The following RBFOX1 variants were observed in gnomAD, a reference collection of about 807,000 sequenced individuals.
The protein encoded by RBFOX1 is RNA binding protein fox-1 homolog 1.
A neutral mutation model predicts 57.7 loss-of-function variants in RBFOX1; 8 were observed. The ratio of observed to expected loss-of-function variants is 0.14; its 90% CI spans 0.08 to 0.25. The LOEUF is 0.25. Among genes scored for constraint, RBFOX1 ranks in the 10% least tolerant of loss-of-function variants. The pLI is 1.00. For synonymous variants in RBFOX1, 326 were observed against 222.4 expected, an observed-to-expected ratio of 1.47 and a Z score of -4.15; for missense variants, 611 against 548.5, an observed-to-expected ratio of 1.11 and a Z score of -1.14.
chr16:6,857,674 G>C (rs1186910900), intron 3 of RBFOX1, among the ~76,000 whole-genome samples: 4 of 152,192 alleles, frequency 2.6e-5, no homozygotes, highest in African/African-American at 7.2e-5. Context: ...CTTACTCTCT[G>C]TGATAGCAGC....
chr16:6,380,861 C>T (rs1011285993), intron 2 of RBFOX1, among the ~76,000 whole-genome samples: 2 of 152,172 alleles, frequency 1.3e-5, no homozygotes, highest in South Asian at 2.1e-4. Context: ...CTTCACATAC[C>T]GTTGCCAACA....
intron 2 of RBFOX1, among the ~76,000 whole-genome samples, chr16:6,441,055 G>C (rs535861647): frequency 6.6e-6 from 1 of 152,072 alleles, no homozygotes; most frequent in Non-Finnish European, 1.5e-5. Flanking sequence ...GATGTTGAGT[G>C]CACCGTCCAA....
intron 1 of RBFOX1, among the ~76,000 whole-genome samples, chr16:5,277,564 C>A (rs1464155367): frequency 1.3e-5 from 2 of 151,952 alleles, no homozygotes; most frequent in Non-Finnish European, 2.9e-5. Context: ...CTTTTCAAAC[C>A]CCTCCTCTTC....
intron 4 of RBFOX1, among the ~76,000 whole-genome samples, chr16:7,104,369 G>C (rs1426834445): frequency 6.6e-6 from 1 of 152,108 alleles, no homozygotes; most frequent in Non-Finnish European, 1.5e-5. Flanking sequence ...TACTTAATCA[G>C]TCTGGTACCT....
intron 2 of RBFOX1, among the ~76,000 whole-genome samples, chr16:6,350,455 A>C (rs75201446): frequency 0.1 from 804 of 7,678 alleles, 22 homozygotes; most frequent in Non-Finnish European, 0.19. Flanking sequence ...AAAAAAAAAA[A>C]AAAAAAAAAA....
chr16:6,638,329 G>A (rs943078352), intron 2 of RBFOX1, among the ~76,000 whole-genome samples: 2 of 151,974 alleles, frequency 1.3e-5, no homozygotes, highest in African/African-American at 4.8e-5. Context: ...ATAAGTTACT[G>A]GTAAATCGCA....
At chr16:7,419,583 G>C (rs375177740) in intron 4 of RBFOX1, among the ~76,000 whole-genome samples, 3 of 152,170 alleles carry the variant, frequency 2.0e-5, no homozygotes, top group African/African-American at 7.2e-5. Flanking sequence ...TGGACCTCCT[G>C]CCTAATTAGC....
intron 4 of RBFOX1, among the ~76,000 whole-genome samples, chr16:7,409,688 C>G (rs1297625437): frequency 6.6e-6 from 1 of 152,162 alleles, no homozygotes; most frequent in African/African-American, 2.4e-5. Flanking sequence ...CTTGGCTATT[C>G]CCTTAACCCC....
chr16:7,607,202 C>T (rs2095314526), intron 9 of RBFOX1, 83 bp from the exon 10 acceptor site: 8 of 1,279,796 alleles, frequency 6.3e-6, no homozygotes, highest in South Asian at 1.3e-5. Flanking sequence ...GATACTTTAA[C>T]CCATTTGATT....
At chr16:7,549,315 G>T (rs2109438) in intron 5 of RBFOX1, among the ~76,000 whole-genome samples, 5,533 of 152,260 alleles carry the variant, frequency 0.036, 301 homozygotes, top group African/African-American at 0.13. Flanking sequence ...TTGAAATGAG[G>T]TTATAAAGGT....
chr16:6,420,900 G>C (rs1459434029), intron 2 of RBFOX1, among the ~76,000 whole-genome samples: 1 of 152,164 alleles, frequency 6.6e-6, no homozygotes, highest in Non-Finnish European at 1.5e-5. Flanking sequence ...ATTTTAAAAG[G>C]CTAGACCTGC....
chr16:6,205,480 G>A (rs1030383994), intron 1 of RBFOX1, among the ~76,000 whole-genome samples: 11 of 152,166 alleles, frequency 7.2e-5, no homozygotes, highest in African/African-American at 2.7e-4. Flanking sequence ...TGCTTCTGCT[G>A]CCATGTTTAT....
chr16:7,144,088 G>C (rs779950568), intron 4 of RBFOX1, among the ~76,000 whole-genome samples: 6 of 152,092 alleles, frequency 3.9e-5, no homozygotes, highest in Non-Finnish European at 8.8e-5. Context: ...TTCCCTTGGG[G>C]GAAAACGTCT....
At chr16:7,136,680 G>T (rs769967466) in intron 4 of RBFOX1, among the ~76,000 whole-genome samples, 12 of 152,146 alleles carry the variant, frequency 7.9e-5, no homozygotes, top group Non-Finnish European at 1.5e-4. Context: ...GCCTCCCAAA[G>T]TGTTGGGATT....
At chr16:5,822,029 A>G (rs766954541) in intron 3 of RBFOX1, among the ~76,000 whole-genome samples, 4 of 152,250 alleles carry the variant, frequency 2.6e-5, no homozygotes, top group Non-Finnish European at 4.4e-5. Context: ...CGTAAGATCT[A>G]TCCTTTTAGC....
chr16:5,770,768 C>T (rs1290320891), intron 3 of RBFOX1, among the ~76,000 whole-genome samples: 1 of 152,174 alleles, frequency 6.6e-6, no homozygotes. Context: ...GTACAATGAA[C>T]TGGCAGGATG....
At chr16:6,254,756 C>T (rs750561596) in intron 1 of RBFOX1, among the ~76,000 whole-genome samples, 1 of 152,046 alleles carries the variant, frequency 6.6e-6, no homozygotes, top group Non-Finnish European at 1.5e-5. Context: ...TAAATTAAAA[C>T]AATATATTTC....
At chr16:5,783,515 C>T (rs2054395391) in intron 3 of RBFOX1, among the ~76,000 whole-genome samples, 1 of 152,216 alleles carries the variant, frequency 6.6e-6, no homozygotes, top group Non-Finnish European at 1.5e-5. Flanking sequence ...AAATCACCCT[C>T]ATCCCGTTAT....
intron 4 of RBFOX1, among the ~76,000 whole-genome samples, chr16:7,495,885 A>G (rs187847004): frequency 8.5e-6 from 1 of 117,602 alleles, no homozygotes; most frequent in Non-Finnish European, 1.8e-5. Flanking sequence ...TTTCTTCTCC[A>G]TTCAAAGATA....
Sources: allele counts gnomAD v4.1 joint callset (sites outside exome capture counted in the v4.1 genomes callset), GRCh38; gene constraint gnomAD v4.1.1; transcripts MANE v1.5; gene names NCBI Gene and HGNC (gene_info 2026-07-23, HGNC 2026-07-21).